The following NUPR1 variants were observed in gnomAD, a reference collection of about 807,000 sequenced individuals.
NUPR1 encodes nuclear protein 1.
In NUPR1, 8 loss-of-function variants were observed where a neutral mutation model predicts 7.3. The observed-to-expected ratio is 1.09, with a 90% CI of 0.64 to 1.97. The LOEUF is 1.97. NUPR1 is among the 30% of genes most tolerant of loss of function. The probability of loss-of-function intolerance (pLI) is 0.00; values close to 1 mark genes in which losing one functional copy is unlikely to be tolerated. For missense variants in NUPR1, 96 were observed against 111.7 expected (o/e 0.86, Z 0.63); for synonymous variants, 39 against 44.5 (o/e 0.88, Z 0.49).
rs1555472555 is a variant in NUPR1, at chr16:28,535,571, C to CTTTCTTTCTTTCCTTTCTTT, written c.*2111_*2112insAAAGAAAGGAAAGAAAGAAA. ...TCTTTCTTTCTTTCTTTCCTTCCTT[C>CTTTCTTTCTTTCCTTTCTTT]CTTTCTTTCTTTCTTTCTTTCTTTC... On this transcript the variant is annotated 3_prime_UTR_variant, in exon 3 of 3. Transcript: ENST00000324873. 3.9e-4 allele frequency: 28 copies of CTTTCTTTCTTTCCTTTCTTT among 71,948 alleles called. 1 individual carries two copies. The highest frequency in any genetic ancestry group is 2.2e-3 in the Admixed American group (13 of 5,982). 4.5% of individuals were successfully genotyped at this position (71,948 alleles called of 1,614,324 possible). A position where few individuals can be genotyped will look rare whatever the true frequency, so the allele number is the denominator to read the frequency against.
In NUPR1 at chr16:28,535,575, T is replaced by TCTTTTCTTTCTTC. The variant is rs2046610765; in HGVS notation, c.*2107_*2108insGAAGAAAGAAAAG. 9.7e-4 allele frequency: 40 copies of TCTTTTCTTTCTTC among 41,410 alleles called. No homozygotes were observed. Among genetic ancestry groups the TCTTTTCTTTCTTC allele is most frequent in the African/African-American group, 4.2e-3 (37 of 8,742 alleles). The allele number at this position is 41,410 out of a possible 1,614,324, so 2.6% of individuals were successfully genotyped here. ...TCTTTCTTTCTTTCCTTCCTTCCTT[T>TCTTTTCTTTCTTC]CTTTCTTTCTTTCTTTCTTTCTTTC... is the stretch of plus-strand genomic sequence containing the variant. On this transcript the variant is annotated 3_prime_UTR_variant, in exon 3 of 3. Transcript: ENST00000324873.
rs913593271 is a variant in NUPR1 at position 28,533,819 on chromosome 16, A to G, written c.*3864T>C. On this transcript the variant is annotated 3_prime_UTR_variant, in exon 3 of 3. Coordinates refer to ENST00000324873, the MANE Select transcript of NUPR1 (RefSeq NM_012385.3). ...GAGACAGATTTCAGCCCACATGAAC[A>G]GACTTGCCCTGAGATAGAATTAGGC... 1 of 152,276 alleles carries G rather than the reference A, an allele frequency of 6.6e-6. No individual in the cohort carries two copies. The highest frequency in any genetic ancestry group is 2.4e-5 in the African/African-American group (1 of 41,452). 9.4% of individuals were successfully genotyped at this position (152,276 alleles called of 1,614,324 possible).
chr16:28,535,564 C>CTTCTTTCCTTCTTTCT lies in NUPR1; in HGVS notation c.*2118_*2119insAGAAAGAAGGAAAGAA, dbSNP rs1567277437. 1 of 57,738 alleles carries CTTCTTTCCTTCTTTCT rather than the reference C, an allele frequency of 1.7e-5. No individual in the cohort carries two copies. The highest frequency in any genetic ancestry group is 3.6e-5 in the Non-Finnish European group (1 of 27,578). 3.6% of individuals were successfully genotyped at this position (57,738 alleles called of 1,614,324 possible). ...CTTTCCTTCTTTCTTTCTTTCTTTC[C>CTTCTTTCCTTCTTTCT]TTCCTTCCTTTCTTTCTTTCTTTCT... On this transcript the variant is annotated 3_prime_UTR_variant, in exon 3 of 3. Coordinates refer to ENST00000324873, the MANE Select transcript of NUPR1 (RefSeq NM_012385.3).
At position 28,538,834 on chromosome 16, in the gene NUPR1, T is replaced by C. The variant is rs2046644274; in HGVS notation, c.74A>G (p.Asp25Gly). 6.2e-7 allele frequency: 1 copy of C among 1,612,898 alleles called. No individual in the cohort carries two copies. Among genetic ancestry groups the C allele is most frequent in the Non-Finnish European group, 8.5e-7 (1 of 1,179,666 alleles). Residue 25 changes from aspartate (D) to glycine (G), a missense_variant, in exon 1 of 3, where the codon GAT (aspartate) becomes GGT (glycine). By Grantham distance (94) the Asp-to-Gly change is moderately conservative. Transcript: ENST00000324873. Reference sequence around the variant, plus strand: ...GGCCAGGCTATAGAGGTCAGATTCATCCAGGCTGGAGTCCTCGTCCTCCGG... The same window carrying C: ...GGCCAGGCTATAGAGGTCAGATTCACCCAGGCTGGAGTCCTCGTCCTCCGG... ...PGPEDEDSSL[D>G]ESDLYSLAHS... is the part of the protein sequence containing the mutation.
rs1226146311 is a variant in NUPR1, at chr16:28,533,539, A to G, written c.*4144T>C. 2 of 152,130 alleles carry G rather than the reference A, an allele frequency of 1.3e-5. No homozygotes were observed. The highest frequency in any genetic ancestry group is 2.9e-5 in the Non-Finnish European group (2 of 68,104). The allele number at this position is 152,130 out of a possible 1,614,324, so 9.4% of individuals were successfully genotyped here. On this transcript the variant is annotated 3_prime_UTR_variant, in exon 3 of 3. Coordinates refer to ENST00000324873, the MANE Select transcript of NUPR1 (RefSeq NM_012385.3). ...AGGCACAAGCCACCACACCTGGCTA[A>G]TTTTTAATTTTTTGTAGAGAGAGGG...
In NUPR1 at chr16:28,538,850, C is replaced by G; in HGVS notation, c.58G>C (p.Glu20Gln). The change falls in exon 1 of 3, where the codon GAG (glutamate) becomes CAG (glutamine). Residue 20 changes from glutamate to glutamine, a missense_variant. By Grantham distance (29) the Glu-to-Gln change is conservative. Transcript: ENST00000324873. ...APQQPPGPED[E>Q]DSSLDESDLY... ...TCAGATTCATCCAGGCTGGAGTCCT[C>G]GTCCTCCGGGCCTGGGGGCTGCTGG... The G allele has an allele frequency of 6.2e-7, 1 of 1,613,230 alleles. No individual in the cohort carries two copies. The highest frequency in any genetic ancestry group is 8.5e-7 in the Non-Finnish European group (1 of 1,179,770).
In NUPR1 at chr16:28,533,250, T is replaced by C. The variant is rs1446731346; in HGVS notation, c.*4433A>G. Reference sequence around the variant, plus strand: ...ATGTAACTTGTATGGAAAGAGGAGTTGGAGGCAAAATCTGAAGGATTTCCA... The same window carrying C: ...ATGTAACTTGTATGGAAAGAGGAGTCGGAGGCAAAATCTGAAGGATTTCCA... On this transcript the variant is annotated 3_prime_UTR_variant, in exon 3 of 3. Coordinates refer to ENST00000324873, the MANE Select transcript of NUPR1 (RefSeq NM_012385.3). 1 of 152,220 alleles carries C rather than the reference T, an allele frequency of 6.6e-6. No individual in the cohort carries two copies. The highest frequency in any genetic ancestry group is 1.5e-5 in the Non-Finnish European group (1 of 68,066). 9.4% of individuals were successfully genotyped at this position (152,220 alleles called of 1,614,324 possible).
In NUPR1 at chr16:28,535,555, C is replaced by CTTTCT. The variant is rs2046607989; in HGVS notation, c.*2123_*2127dup. On this transcript the variant is annotated 3_prime_UTR_variant, in exon 3 of 3. Transcript: ENST00000324873. ...TCTTTCTTTCTTTCCTTCTTTCTTT[C>CTTTCT]TTTCTTTCCTTCCTTCCTTTCTTTC... 3 of 30,274 alleles carry CTTTCT rather than the reference C, an allele frequency of 9.9e-5. No homozygotes were observed. In the Admixed American group the frequency reaches 1.4e-3, roughly 14 times the overall value. 1.9% of individuals were successfully genotyped at this position (30,274 alleles called of 1,614,324 possible).
Position 28,537,571 on chromosome 16 carries a change from TG to T in NUPR1, c.*111del. On this transcript the variant is annotated 3_prime_UTR_variant, in exon 3 of 3. Coordinates refer to ENST00000324873, the MANE Select transcript of NUPR1 (RefSeq NM_012385.3). ...AGTCAGCGGGAATAAGTCCTAGGGG[TG>T]GGGGGTGTGGCAAGCCGGCCTGGAT... 1 of 155,510 alleles carries T rather than the reference TG, an allele frequency of 6.4e-6. No homozygotes were observed. Among genetic ancestry groups the T allele is most frequent in the Non-Finnish European group, 1.4e-5 (1 of 70,428 alleles). The allele number at this position is 155,510 out of a possible 1,614,324, so 9.6% of individuals were successfully genotyped here.
Position 28,535,050 on chromosome 16 carries a change from C to G in NUPR1, c.*2633G>C, listed in dbSNP as rs2151633057. On this transcript the variant is annotated 3_prime_UTR_variant, in exon 3 of 3. Transcript: ENST00000324873. The stretch of plus-strand genomic sequence containing the variant: ...AATAATCTCAGCTCCAACCACACTT[C>G]CTGTTTGCCCCATATTTTTCTTCAA... 1 of 152,358 alleles carries G rather than the reference C, an allele frequency of 6.6e-6. No individual in the cohort carries two copies. The highest frequency in any genetic ancestry group is 2.1e-4 in the South Asian group (1 of 4,824). The allele number at this position is 152,358 out of a possible 1,614,324, so 9.4% of individuals were successfully genotyped here.
At position 28,538,088 on chromosome 16, in the gene NUPR1, G is replaced by A. The variant is rs545163875; in HGVS notation, c.180C>T (p.Gly60=). The change falls in exon 2 of 3, where the codon GGC becomes GGT. Residue 60 remains glycine (G), a synonymous_variant. Coordinates refer to ENST00000324873, the MANE Select transcript of NUPR1 (RefSeq NM_012385.3). ...TGGTCACCAGTTTCCTCTCGTGCCC[G>A]CCAGGGCTGGGGCGGTTGGTGTTGG... ...AAANTNRPSP[G]GHERKLVTKL... is the part of the protein sequence containing the mutation. 30 of 1,614,120 alleles carry A rather than the reference G, an allele frequency of 1.9e-5. No individual in the cohort carries two copies. In the East Asian group the frequency reaches 4.7e-4, roughly 25 times the overall value.
At chr16:28,538,277 C>T (rs2046639550) in intron 1 of NUPR1, 122 bp from the exon 2 acceptor site, 2 of 1,452,588 alleles carry the variant, frequency 1.4e-6, no homozygotes, top group Admixed American at 3.6e-5. Flanking sequence ...CTGCTGCTTC[C>T]CCTCTGTGGA....
rs2046606051 is a variant in NUPR1 at position 28,535,527 on chromosome 16, C to CTTTCTTTCTTTCTTTCTTTCTT, written c.*2155_*2156insAAGAAAGAAAGAAAGAAAGAAA. 1 of 73,860 alleles carries CTTTCTTTCTTTCTTTCTTTCTT rather than the reference C, an allele frequency of 1.4e-5. No homozygotes were observed. Among genetic ancestry groups the CTTTCTTTCTTTCTTTCTTTCTT allele is most frequent in the African/African-American group, 4.6e-5 (1 of 21,568 alleles). 4.6% of individuals were successfully genotyped at this position (73,860 alleles called of 1,614,324 possible). On this transcript the variant is annotated 3_prime_UTR_variant, in exon 3 of 3. Transcript: ENST00000324873. ...CTTTTCTTTCTTTCTTTCTTTCTTT[C>CTTTCTTTCTTTCTTTCTTTCTT]TTTCTTTCTTTCTTTCCTTCTTTCT...
rs1303245418 is a variant in NUPR1 at position 28,536,495 on chromosome 16, C to G, written c.*1188G>C. 2.0e-5 allele frequency: 3 copies of G among 151,792 alleles called. No homozygotes were observed. Among genetic ancestry groups the G allele is most frequent in the Non-Finnish European group, 2.9e-5 (2 of 68,110 alleles). 9.4% of individuals were successfully genotyped at this position (151,792 alleles called of 1,614,324 possible). On this transcript the variant is annotated 3_prime_UTR_variant, in exon 3 of 3. Transcript: ENST00000324873. The stretch of plus-strand genomic sequence containing the variant: ...CCAAGATGGTGCCACTGCACTCTAA[C>G]CTGAGCAACAGAGTGAGACTCTGTC...
At position 28,533,322 on chromosome 16, in the gene NUPR1, G is replaced by A. The variant is rs1244770205; in HGVS notation, c.*4361C>T. ...GCCCAGGCTTCCGTGTGATCCCAGA[G>A]GAGGGTCGGCCTGGGGTGGAGGTCA... On this transcript the variant is annotated 3_prime_UTR_variant, in exon 3 of 3. Transcript: ENST00000324873. The A allele has an allele frequency of 6.6e-6, 1 of 152,294 alleles. No individual in the cohort carries two copies. Among genetic ancestry groups the A allele is most frequent in the Non-Finnish European group, 1.5e-5 (1 of 68,072 alleles). 9.4% of individuals were successfully genotyped at this position (152,294 alleles called of 1,614,324 possible).
At chr16:28,537,965 G>T in intron 2 of NUPR1, 41 bp downstream of exon 2, 1 of 1,535,666 alleles carries the variant, frequency 6.5e-7, no homozygotes. Context: ...CTTCATGGCA[G>T]AAGCACCACC....
At chr16:28,538,241 TG>T (rs1275164994) in intron 1 of NUPR1, 86 bp from the exon 2 acceptor site, 1 of 1,595,346 alleles carries the variant, frequency 6.3e-7, no homozygotes, top group East Asian at 2.2e-5. Flanking sequence ...TTCAGGGTTG[TG>T]GGGATGGGAA....
rs2046593632 is a variant in NUPR1 at position 28,533,474 on chromosome 16, G to C, written c.*4209C>G. 6.6e-6 allele frequency: 1 copy of C among 152,288 alleles called. No individual in the cohort carries two copies. Among genetic ancestry groups the C allele is most frequent in the African/African-American group, 2.4e-5 (1 of 41,436 alleles). 9.4% of individuals were successfully genotyped at this position (152,288 alleles called of 1,614,324 possible). ...TGCAGCCTCCACCTCCCAGACTCAAGAGATCCTCTCACCTCAGCCTCCTGA... is the reference window on the plus strand; with the variant it reads ...TGCAGCCTCCACCTCCCAGACTCAACAGATCCTCTCACCTCAGCCTCCTGA... On this transcript the variant is annotated 3_prime_UTR_variant, in exon 3 of 3. Transcript: ENST00000324873.
intron 2 of NUPR1, 72 bp downstream of exon 2, chr16:28,537,930 CCAAT>C (rs1567278422): frequency 1.6e-6 from 2 of 1,219,562 alleles, no homozygotes; most frequent in East Asian, 4.7e-5. Flanking sequence ...TCCTCCCCAC[CCAAT>C]CACACACCTT....
Sources: gnomAD v4.1 joint callset for allele counts on GRCh38, gnomAD v4.1.1 for gene constraint, MANE v1.5 for transcripts, NCBI Gene and HGNC (gene_info 2026-07-23, HGNC 2026-07-21) for gene names.